Variants in RNF157 observed in about 807,000 individuals in gnomAD.
RNF157 encodes the protein E3 ubiquitin ligase RNF157.
RNF157 carries 55 observed loss-of-function variants against 88.3 expected under a neutral mutation model. That is an observed-to-expected ratio of 0.62 (90% CI 0.50 to 0.78). RNF157 has a LOEUF of 0.78. Ranked by LOEUF, RNF157 falls within the 30% of genes least tolerant of loss-of-function variation. The pLI is 0.00. For missense variants in RNF157, 788 were observed against 860.8 expected, an observed-to-expected ratio of 0.92 and a Z score of 1.06; for synonymous variants, 334 against 341.2, an observed-to-expected ratio of 0.98 and a Z score of 0.23.
rs748872510 is a variant in RNF157 at position 76,161,842 on chromosome 17, C to T, written c.952+1G>A. ...AGTCCCCCTGCCGCTCTGGGGCTTACGCAGTCGGCAGATGGGGCAGTTGTT... is the reference window on the plus strand; with the variant it reads ...AGTCCCCCTGCCGCTCTGGGGCTTATGCAGTCGGCAGATGGGGCAGTTGTT... On this transcript the variant is annotated splice_donor_variant, in intron 10 of 18. Coordinates refer to ENST00000269391, the MANE Select transcript of RNF157 (RefSeq NM_052916.3). LOFTEE classifies it high-confidence loss of function. This position sits in a 1 kb window ranked among gnomAD's most constrained non-coding sequence, Gnocchi z 4.6. 10 of 1,613,696 alleles carry T rather than the reference C, an allele frequency of 6.2e-6. No individual in the cohort carries two copies. The highest frequency in any genetic ancestry group is 8.5e-6 in the Non-Finnish European group (10 of 1,179,684).
chr17:76,190,809 G>A (rs989679685), intron 2 of RNF157, among the ~76,000 whole-genome samples: 2 of 151,390 alleles, frequency 1.3e-5, no homozygotes, highest in Non-Finnish European at 2.9e-5. Flanking sequence ...TCCAGAGGCT[G>A]AGACAGAAGA....
At chr17:76,184,586 A>T (rs1478818459) in intron 2 of RNF157, among the ~76,000 whole-genome samples, 1 of 152,196 alleles carries the variant, frequency 6.6e-6, no homozygotes. Context: ...CCTGCTGTAG[A>T]TCAGAACAAC....
rs993446981 is a variant in RNF157, at chr17:76,212,419, C to A, written c.152G>T (p.Gly51Val). 10 of 1,613,988 alleles carry A rather than the reference C, an allele frequency of 6.2e-6. No individual in the cohort carries two copies. Among genetic ancestry groups the A allele is most frequent in the Non-Finnish European group, 8.5e-6 (10 of 1,179,968 alleles). Residue 51 changes from glycine to valine, a missense_variant, in exon 2 of 19, where the codon GGT becomes GTT. Coordinates refer to ENST00000269391, the MANE Select transcript of RNF157 (RefSeq NM_052916.3). ...GEKFDSTHPE[G>V]YLFGENSDLN... Reference sequence around the variant, plus strand: ...ATCGCTGTTCTCTCCAAACAGGTAACCTTCAGGATGAGTTGAGTCAAACTT... The same window carrying A: ...ATCGCTGTTCTCTCCAAACAGGTAAACTTCAGGATGAGTTGAGTCAAACTT...
At position 76,167,798 on chromosome 17, in the gene RNF157, C is replaced by G; in HGVS notation, c.297-1G>C. The G allele has an allele frequency of 6.2e-7, 1 of 1,612,240 alleles. No homozygotes were observed. The highest frequency in any genetic ancestry group is 8.5e-7 in the Non-Finnish European group (1 of 1,179,324). On this transcript the variant is annotated splice_acceptor_variant, in intron 3 of 18. Transcript: ENST00000269391. LOFTEE classifies it high-confidence loss of function. Reference sequence around the variant, plus strand: ...AGGGCTCTTCACTTCCTCAGCACATCTAGAAAACCAGAGACTCAGCATTTG... The same window carrying G: ...AGGGCTCTTCACTTCCTCAGCACATGTAGAAAACCAGAGACTCAGCATTTG...
intron 2 of RNF157, among the ~76,000 whole-genome samples, chr17:76,209,333 A>G (rs1405102918): frequency 1.3e-5 from 2 of 152,216 alleles, no homozygotes. Flanking sequence ...AAACTTAGGA[A>G]AAGTCTGCCA....
intron 2 of RNF157, among the ~76,000 whole-genome samples, chr17:76,179,298 G>A (rs1183689534): frequency 2.0e-5 from 3 of 152,152 alleles, no homozygotes; most frequent in East Asian, 1.9e-4. Context: ...GAAGGCTGAC[G>A]CAAGAGGATC....
intron 2 of RNF157, among the ~76,000 whole-genome samples, chr17:76,186,088 C>G (rs1029707224): frequency 6.6e-6 from 1 of 151,736 alleles, no homozygotes; most frequent in Non-Finnish European, 1.5e-5. Context: ...TTACTAAGGG[C>G]AAGAGGACCA....
intron 1 of RNF157, among the ~76,000 whole-genome samples, chr17:76,224,386 TTTTCTA>T (rs151119417): frequency 0.3 from 45,529 of 151,704 alleles, 7,400 homozygotes; most frequent in East Asian, 0.45. Flanking sequence ...ATTAAACCCA[TTTTCTA>T]TTCTTCTACA....
chr17:76,170,851 ATTTACAGAT>A (rs2069001552), intron 3 of RNF157, among the ~76,000 whole-genome samples: 1 of 152,052 alleles, frequency 6.6e-6, no homozygotes, highest in Admixed American at 6.6e-5. Context: ...TTCTCCAAAT[ATTTACAGAT>A]TTATGCCTTT....
chr17:76,171,869 C>T (rs2069019553), intron 3 of RNF157, among the ~76,000 whole-genome samples: 1 of 152,224 alleles, frequency 6.6e-6, no homozygotes, highest in South Asian at 2.1e-4. Flanking sequence ...GAGCTGCAGC[C>T]AGGCTGCCAC....
rs1449865122 is a variant in RNF157, at chr17:76,237,619, C to A, written c.88+2534G>T. Among the ~76,000 whole-genome samples the A allele has an allele frequency of 2.0e-5, 3 of 152,166 alleles. No individual in the cohort carries two copies. In the East Asian group the frequency reaches 5.8e-4, roughly 29 times the overall value. On this transcript the variant is annotated intron_variant, in intron 1 of 18. Transcript: ENST00000269391. ...CAATTCCTTGAGAGGTGGAGGCAGA[C>A]AGTATAGTAGGAAGAACACTAACTG... is the stretch of plus-strand genomic sequence containing the variant.
chr17:76,234,443 A>C (rs1310945936), intron 1 of RNF157, among the ~76,000 whole-genome samples: 1 of 152,168 alleles, frequency 6.6e-6, no homozygotes, highest in East Asian at 1.9e-4. Flanking sequence ...AGAAACTGTC[A>C]AACCGTTTTC....
At chr17:76,198,380 A>C (rs2069513290) in intron 2 of RNF157, among the ~76,000 whole-genome samples, 2 of 152,052 alleles carry the variant, frequency 1.3e-5, no homozygotes, top group African/African-American at 4.8e-5. Context: ...AAAATGATGG[A>C]CCACAGTAAT....
In RNF157 at chr17:76,164,734, C is replaced by T. The variant is rs1003771863; in HGVS notation, c.720+14G>A. 2.0e-5 allele frequency: 31 copies of T among 1,570,472 alleles called. No homozygotes were observed. The highest frequency in any genetic ancestry group is 1.7e-4 in the Middle Eastern group (1 of 5,964). Reference sequence around the variant, plus strand: ...GACCCTAATACTAACAGTCTGTGGTCTTCAAATACTTACTACTTGTTTCTG... The same window carrying T: ...GACCCTAATACTAACAGTCTGTGGTTTTCAAATACTTACTACTTGTTTCTG... On this transcript the variant is annotated intron_variant, in intron 8 of 18. Transcript: ENST00000269391.
intron 2 of RNF157, among the ~76,000 whole-genome samples, chr17:76,182,737 G>T (rs2069210368): frequency 8.3e-6 from 1 of 119,794 alleles, no homozygotes; most frequent in African/African-American, 3.8e-5. Flanking sequence ...GTTTTCATTT[G>T]CTATTAGATT....
intron 1 of RNF157, among the ~76,000 whole-genome samples, chr17:76,222,017 G>A (rs1568073663): frequency 6.6e-6 from 1 of 152,176 alleles, no homozygotes; most frequent in Non-Finnish European, 1.5e-5. Flanking sequence ...ATGGGGGCAG[G>A]GGAGAGTGGG....
At position 76,155,333 on chromosome 17, in the gene RNF157, G is replaced by A; in HGVS notation, c.1699-16C>T. The A allele has an allele frequency of 6.2e-7, 1 of 1,612,664 alleles. No individual in the cohort carries two copies. On this transcript the variant is annotated splice_polypyrimidine_tract_variant and intron_variant, in intron 15 of 18. Transcript: ENST00000269391. ...CTGGCAGCCCCTGCAGAAGAGCACA[G>A]TTTTTACAGGCTCTTCCATAAAGGT... is the stretch of plus-strand genomic sequence containing the variant.
At chr17:76,212,881 G>A (rs908492809) in intron 1 of RNF157, among the ~76,000 whole-genome samples, 1 of 152,076 alleles carries the variant, frequency 6.6e-6, no homozygotes, top group Non-Finnish European at 1.5e-5. Flanking sequence ...AAACAAAAAA[G>A]TTAACCCTCT....
chr17:76,166,763 G>C (rs1471668060), intron 5 of RNF157, among the ~76,000 whole-genome samples: 2 of 151,932 alleles, frequency 1.3e-5, no homozygotes. Flanking sequence ...TTTGAGCATG[G>C]CTTTCTCAAA....
Sources: allele counts gnomAD v4.1 joint callset (sites outside exome capture counted in the v4.1 genomes callset), GRCh38; gene constraint gnomAD v4.1.1; non-coding constraint Gnocchi (gnomAD v3.1); transcripts MANE v1.5; gene names NCBI Gene and HGNC (gene_info 2026-07-23, HGNC 2026-07-21).